SFPQ: variants seen among roughly 807,000 people sequenced by gnomAD.
SFPQ encodes the protein splicing factor proline and glutamine rich.
SFPQ carries 11 observed loss-of-function variants against 72.9 expected under a neutral mutation model. The observed-to-expected ratio is 0.15, with a 90% CI of 0.09 to 0.25. SFPQ has a LOEUF of 0.25. Among genes scored for constraint, SFPQ ranks in the 10% least tolerant of loss-of-function variants. SFPQ has a pLI of 1.00. For synonymous variants in SFPQ, 506 were observed against 367.3 expected, an observed-to-expected ratio of 1.38 and a Z score of -4.32; for missense variants, 847 against 993.3, an observed-to-expected ratio of 0.85 and a Z score of 1.98.
downstream of SFPQ, chr1:35,180,254 G>A (rs779318641): frequency 1.8e-5 from 19 of 1,050,468 alleles, no homozygotes; most frequent in Non-Finnish European, 2.2e-5. Context: ...AGACCAAGAA[G>A]TTGAAGTGAG....
chr1:35,192,878 G>A lies in SFPQ; in HGVS notation c.172C>T (p.Pro58Ser), dbSNP rs1640112168. ...GPGPGQSGPK[P>S]PIPPPPPHQQ... Reference sequence around the variant, plus strand: ...TGTGGAGGCGGTGGCGGGATCGGAGGCTTAGGGCCGCTCTGGCCCGGGCCA... The same window carrying A: ...TGTGGAGGCGGTGGCGGGATCGGAGACTTAGGGCCGCTCTGGCCCGGGCCA... The change falls in exon 1 of 10, where the codon CCT becomes TCT. Residue 58 changes from proline to serine, a missense_variant. Transcript: ENST00000357214. 1 of 1,540,692 alleles carries A rather than the reference G, an allele frequency of 6.5e-7. No homozygotes were observed. The highest frequency in any genetic ancestry group is 8.7e-7 in the Non-Finnish European group (1 of 1,152,534).
intron 4 of SFPQ, chr1:35,177,926 A>T (rs987557196): frequency 1.3e-6 from 1 of 757,028 alleles, no homozygotes; most frequent in Admixed American, 4.7e-5. Flanking sequence ...CACATATCTA[A>T]ATGAAATTAT....
intron 6 of SFPQ, among the ~76,000 whole-genome samples, 172 bp downstream of exon 6, chr1:35,188,831 C>G (rs979131799): frequency 6.6e-6 from 1 of 152,144 alleles, no homozygotes; most frequent in Non-Finnish European, 1.5e-5. Flanking sequence ...TGTCGTGGCG[C>G]ATGCCTGTAA....
At position 35,189,460 on chromosome 1, in the gene SFPQ, T is replaced by C. The variant is rs72657982; in HGVS notation, c.1416-78A>G. The C allele has an allele frequency of 3.4e-6, 4 of 1,167,746 alleles. No individual in the cohort carries two copies. In the African/African-American group the frequency reaches 6.2e-5, roughly 18 times the overall value. 72.3% of individuals were successfully genotyped at this position (1,167,746 alleles called of 1,614,324 possible). On this transcript the variant is annotated intron_variant, in intron 4 of 9. Transcript: ENST00000357214. The stretch of plus-strand genomic sequence containing the variant: ...AATACTTGCCCTAGTACTGATCTTT[T>C]TCCTGTTCTATTTCTTGTAAAGAGT...
intron 1 of SFPQ, 148 bp downstream of exon 1, chr1:35,192,074 G>C (rs1557814220): frequency 9.7e-6 from 5 of 513,460 alleles, no homozygotes; most frequent in Non-Finnish European, 1.5e-5. Flanking sequence ...CCGACCGACG[G>C]CCCCGCAGGC....
Position 35,192,379 on chromosome 1 carries a change from A to G in SFPQ, c.671T>C (p.Leu224Pro). Reference sequence around the variant, plus strand: ...CTTGGGGTGGCCGCCAGGCGTACTTAGGCCCGGGCCGCCACCTGGCTTCGG... The same window carrying G: ...CTTGGGGTGGCCGCCAGGCGTACTTGGGCCCGGGCCGCCACCTGGCTTCGG... ...GGPKPGGGPGLSTPGGHPKPP... is the reference protein window; with the variant it reads ...GGPKPGGGPGPSTPGGHPKPP... Residue 224 changes from leucine to proline, a missense_variant, in exon 1 of 10, where the codon CTA (leucine) becomes CCA (proline). Leu to Pro is a moderately conservative substitution (Grantham distance 98). This residue lies in a region of SFPQ where 498 missense variants were observed against 405.1 expected (regional missense o/e 1.23). Coordinates refer to ENST00000357214, the MANE Select transcript of SFPQ (RefSeq NM_005066.3). 7.2e-7 allele frequency: 1 copy of G among 1,398,118 alleles called. No individual in the cohort carries two copies. The allele number at this position is 1,398,118 out of a possible 1,614,324, so 86.6% of individuals were successfully genotyped here. A position where few individuals can be genotyped will look rare whatever the true frequency, so the allele number is the denominator to read the frequency against.
downstream of SFPQ, chr1:35,178,627 C>A: frequency 9.5e-7 from 1 of 1,056,528 alleles, no homozygotes. Context: ...ACTGGGACAG[C>A]AAGGAACCAA....
At chr1:35,179,672 C>T (rs1570106132), downstream of SFPQ, 1 of 1,055,970 alleles carries the variant, frequency 9.5e-7, no homozygotes, top group East Asian at 5.3e-5. Context: ...TTCTAAAGTG[C>T]AAAAGCCTAA....
downstream of SFPQ, chr1:35,182,255 A>G (rs562375535): frequency 4.1e-6 from 4 of 985,416 alleles, no homozygotes; most frequent in South Asian, 1.4e-4. Flanking sequence ...TCCCTACTAT[A>G]TAATTCAACC....
At position 35,190,645 on chromosome 1, in the gene SFPQ, A is replaced by T. The variant is rs372439348; in HGVS notation, c.1319+49T>A. The T allele has an allele frequency of 2.5e-6, 4 of 1,608,916 alleles. No homozygotes were observed. The Admixed American group carries it at 6.7e-5, about 27-fold the overall frequency. ...GCTTTGTTCCAGTTTTATTGCCACCATTCTCATATAAGTTGATAGAAATTA... is the reference window on the plus strand; with the variant it reads ...GCTTTGTTCCAGTTTTATTGCCACCTTTCTCATATAAGTTGATAGAAATTA... On this transcript the variant is annotated intron_variant, in intron 3 of 9. Transcript: ENST00000357214.
In SFPQ at chr1:35,184,421, C is replaced by A; in HGVS notation, c.*35G>T. On this transcript the variant is annotated 3_prime_UTR_variant, in exon 10 of 10. Transcript: ENST00000357214. ...AAAGATTGGTATCTAAACAAAAAAA[C>A]AAAACAAACTGGAATGAAAGCCTAA... 3 of 1,590,718 alleles carry A rather than the reference C, an allele frequency of 1.9e-6. No homozygotes were observed. The highest frequency in any genetic ancestry group is 2.6e-6 in the Non-Finnish European group (3 of 1,173,230).
At chr1:35,178,781 T>G (rs1336446446), downstream of SFPQ, 2 of 1,054,004 alleles carry the variant, frequency 1.9e-6, no homozygotes, top group African/African-American at 1.7e-5. Flanking sequence ...AAGTAAGAGT[T>G]CCCTGTTGCA....
intron 1 of SFPQ, among the ~76,000 whole-genome samples, chr1:35,191,965 A>G (rs955465701): frequency 6.6e-6 from 1 of 152,002 alleles, no homozygotes; most frequent in Non-Finnish European, 1.5e-5. Context: ...TACCTTCTGC[A>G]GGGCCGACCA....
Position 35,183,053 on chromosome 1 carries a change from A to G in SFPQ, c.*1403T>C. 1 of 1,033,250 alleles carries G rather than the reference A, an allele frequency of 9.7e-7. No individual in the cohort carries two copies. The highest frequency in any genetic ancestry group is 1.2e-6 in the Non-Finnish European group (1 of 859,150). 64.0% of individuals were successfully genotyped at this position (1,033,250 alleles called of 1,614,324 possible). A position where few individuals can be genotyped will look rare whatever the true frequency, so the allele number is the denominator to read the frequency against. ...CTATGTGAAAACAAGTTAAATTTAC[A>G]ATAAGAATGATTATCTGCAACCCTA... On this transcript the variant is annotated 3_prime_UTR_variant, in exon 10 of 10. Transcript: ENST00000357214.
At chr1:35,187,918 G>A (rs1342267920) in intron 7 of SFPQ, 55 bp downstream of exon 7, 30 of 1,038,186 alleles carry the variant, frequency 2.9e-5, no homozygotes, top group Non-Finnish European at 4.2e-5. Context: ...TTCCTTCTAG[G>A]TACCTGCAAG....
At chr1:35,177,940 A>C (rs1390687170), downstream of SFPQ, 2 of 907,578 alleles carry the variant, frequency 2.2e-6, no homozygotes, top group Non-Finnish European at 2.9e-6. Flanking sequence ...AAATTATTTA[A>C]ATCAAACTCA....
downstream of SFPQ, chr1:35,181,298 T>A (rs1285522186): frequency 2.8e-6 from 3 of 1,065,620 alleles, no homozygotes; most frequent in Non-Finnish European, 3.4e-6. Flanking sequence ...AGTGCATAAT[T>A]GCAGTCCAAG....
downstream of SFPQ, chr1:35,180,950 C>T (rs1416249018): frequency 1.0e-6 from 1 of 985,194 alleles, no homozygotes; most frequent in African/African-American, 1.7e-5. Flanking sequence ...TGCAACAGCA[C>T]TGAATTCTGC....
chr1:35,191,033 T>C (rs370059855), intron 2 of SFPQ, 38 bp from the exon 3 acceptor site: 33 of 1,540,034 alleles, frequency 2.1e-5, no homozygotes, highest in Middle Eastern at 1.7e-4. Flanking sequence ...GACCTCAAAA[T>C]TGGATGATGT....
Sources: allele counts gnomAD v4.1 joint callset (sites outside exome capture counted in the v4.1 genomes callset), GRCh38; gene constraint gnomAD v4.1.1; regional missense constraint gnomAD v4.1.1; transcripts MANE v1.5; gene names NCBI Gene and HGNC (gene_info 2026-07-23, HGNC 2026-07-21).